The following TPST1 variants were observed in gnomAD, a reference collection of about 807,000 sequenced individuals.
TPST1 encodes tyrosylprotein sulfotransferase 1, also known as protein-tyrosine sulfotransferase 1.
Under a neutral mutation model 34.8 loss-of-function variants are expected in TPST1, and 20 were observed. The observed-to-expected ratio is 0.57, with a 90% CI of 0.40 to 0.84. TPST1 has a LOEUF of 0.84. TPST1 is among the 40% of genes least tolerant of loss of function. The probability of loss-of-function intolerance (pLI) is 0.00; values close to 1 mark genes in which losing one functional copy is unlikely to be tolerated. For synonymous variants in TPST1, 152 were observed against 159.4 expected, an observed-to-expected ratio of 0.95 and a Z score of 0.35; for missense variants, 353 against 455.5, an observed-to-expected ratio of 0.78 and a Z score of 2.05.
At chr7:66,304,365 G>A (rs747636353) in intron 3 of TPST1, among the ~76,000 whole-genome samples, 1 of 152,192 alleles carries the variant, frequency 6.6e-6, no homozygotes, top group Non-Finnish European at 1.5e-5. Flanking sequence ...GGAGCTTTAG[G>A]AGAGGCCAGT....
At chr7:66,354,381 G>T in intron 4 of TPST1, among the ~76,000 whole-genome samples, 1 of 150,898 alleles carries the variant, frequency 6.6e-6, no homozygotes, top group Non-Finnish European at 1.5e-5. Context: ...CCAGGTGGGT[G>T]GATTGCCTGA....
chr7:66,297,091 A>G (rs542365730), intron 3 of TPST1, among the ~76,000 whole-genome samples: 7 of 152,332 alleles, frequency 4.6e-5, no homozygotes, highest in South Asian at 2.1e-4. Context: ...CCTATTAGCC[A>G]CAATTTCAGT....
chr7:66,347,059 C>CTTTTTTTTTTTTTTTTTTTTTTTTTTTT (rs71051352), intron 3 of TPST1, among the ~76,000 whole-genome samples: 1 of 59,960 alleles, frequency 1.7e-5, no homozygotes, highest in Non-Finnish European at 2.9e-5. Flanking sequence ...CTTTGCTTTT[C>CTTTTTTTTTTTTTTTTTTTTTTTTTTTT]TTTTTTTTTT....
intron 5 of TPST1, among the ~76,000 whole-genome samples, chr7:66,357,742 A>G (rs2116412038): frequency 6.6e-6 from 1 of 152,278 alleles, no homozygotes; most frequent in South Asian, 2.1e-4. Flanking sequence ...TTTGCTCCAA[A>G]TGATGTGGCA....
intron 2 of TPST1, among the ~76,000 whole-genome samples, chr7:66,261,369 C>T (rs529956910): frequency 3.3e-5 from 5 of 151,652 alleles, no homozygotes; most frequent in Admixed American, 6.6e-5. Context: ...GAACTCATCA[C>T]GTGTGGGCAG....
chr7:66,274,094 C>T (rs1490650814), intron 2 of TPST1, among the ~76,000 whole-genome samples: 1 of 150,994 alleles, frequency 6.6e-6, no homozygotes, highest in South Asian at 2.1e-4. Flanking sequence ...TCCAGCTGGG[C>T]ACGGTGGCTG....
intron 1 of TPST1, among the ~76,000 whole-genome samples, chr7:66,207,355 T>C (rs1789152318): frequency 6.6e-6 from 1 of 152,254 alleles, no homozygotes; most frequent in African/African-American, 2.4e-5. Context: ...CCCTGAACTC[T>C]TAAGGAGAGG....
chr7:66,328,913 T>A (rs1226224150), intron 3 of TPST1, among the ~76,000 whole-genome samples: 1 of 95,738 alleles, frequency 1.0e-5, no homozygotes, highest in Non-Finnish European at 2.0e-5. Context: ...TATATTTTTT[T>A]TTTTTTTTTT....
intron 1 of TPST1, among the ~76,000 whole-genome samples, chr7:66,226,657 A>C (rs1484074434): frequency 6.6e-6 from 1 of 152,202 alleles, no homozygotes; most frequent in Non-Finnish European, 1.5e-5. Flanking sequence ...CCTATTAATT[A>C]ACGTACATTT....
At position 66,240,593 on chromosome 7, in the gene TPST1, C is replaced by T. The variant is rs201836970; in HGVS notation, c.168C>T (p.Asp56=). Residue 56 remains aspartate (D), a synonymous_variant, in exon 2 of 6, where the codon GAC becomes GAT. Transcript: ENST00000304842. ...STRTTVRTGL[D]LKANKTFAYH... ...GGACCACTGTGAGAACTGGCCTGGA[C>T]CTCAAAGCCAACAAAACCTTTGCCT... 2 of 1,614,158 alleles carry T rather than the reference C, an allele frequency of 1.2e-6. No homozygotes were observed. The highest frequency in any genetic ancestry group is 1.7e-6 in the Non-Finnish European group (2 of 1,180,032).
At chr7:66,322,871 G>A (rs1401690690) in intron 3 of TPST1, among the ~76,000 whole-genome samples, 1 of 76,328 alleles carries the variant, frequency 1.3e-5, no homozygotes, top group Non-Finnish European at 2.9e-5. Context: ...TTCCAGTGGT[G>A]CACAAAGGTT....
intron 2 of TPST1, among the ~76,000 whole-genome samples, chr7:66,241,505 A>T (rs1790035696): frequency 2.0e-5 from 3 of 152,066 alleles, no homozygotes; most frequent in Admixed American, 2.0e-4. Flanking sequence ...TCATTTATAT[A>T]TCGTGGCCCT....
At position 66,261,434 on chromosome 7, in the gene TPST1, T is replaced by C. The variant is rs1790486840; in HGVS notation, c.845+20164T>C. On this transcript the variant is annotated intron_variant, in intron 2 of 5. Coordinates refer to ENST00000304842, the MANE Select transcript of TPST1 (RefSeq NM_003596.4). ...ATAAGTTATGTACTAGTTTGCTTTATTTCCCAGTATATCAGTTTTGTTCAG... is the reference window on the plus strand; with the variant it reads ...ATAAGTTATGTACTAGTTTGCTTTACTTCCCAGTATATCAGTTTTGTTCAG... 2.0e-5 allele frequency among the ~76,000 whole-genome samples: 3 copies of C among 152,276 alleles called. No individual in the cohort carries two copies. The South Asian group carries it at 6.2e-4, about 32-fold the overall frequency.
intron 1 of TPST1, 109 bp from the exon 2 acceptor site, chr7:66,240,216 C>T (rs1370582336): frequency 4.1e-5 from 26 of 641,062 alleles, no homozygotes; most frequent in Non-Finnish European, 6.7e-5. Context: ...ATCAAAGAAT[C>T]CAAGACTGTT....
At chr7:66,341,564 C>G (rs1792238654) in intron 3 of TPST1, among the ~76,000 whole-genome samples, 1 of 152,154 alleles carries the variant, frequency 6.6e-6, no homozygotes, top group South Asian at 2.1e-4. Flanking sequence ...CAGGTGTGAG[C>G]CACCGCACTC....
intron 3 of TPST1, among the ~76,000 whole-genome samples, chr7:66,315,258 C>A (rs1791609508): frequency 6.6e-6 from 1 of 152,176 alleles, no homozygotes; most frequent in Admixed American, 6.5e-5. Flanking sequence ...CCATTGCCAC[C>A]CTTAGACCTG....
At chr7:66,258,799 T>A (rs1790430546) in intron 2 of TPST1, among the ~76,000 whole-genome samples, 1 of 152,232 alleles carries the variant, frequency 6.6e-6, no homozygotes, top group Non-Finnish European at 1.5e-5. Flanking sequence ...TATTTTTGCC[T>A]GAAATGAGGG....
chr7:66,357,910 C>G (rs1281273070), intron 5 of TPST1, among the ~76,000 whole-genome samples: 1 of 152,112 alleles, frequency 6.6e-6, no homozygotes, highest in African/African-American at 2.4e-5. Flanking sequence ...ATAGTGAAAC[C>G]TCGTCTCTAC....
chr7:66,281,004 C>T (rs1790922210), intron 2 of TPST1, among the ~76,000 whole-genome samples: 2 of 152,204 alleles, frequency 1.3e-5, no homozygotes, highest in Non-Finnish European at 1.5e-5. Context: ...TATGTTCCTT[C>T]GATGCCTAGC....
Sources: gnomAD v4.1 joint callset for allele counts (sites outside exome capture counted in the v4.1 genomes callset) on GRCh38, gnomAD v4.1.1 for gene constraint, MANE v1.5 for transcripts, NCBI Gene and HGNC (gene_info 2026-07-23, HGNC 2026-07-21) for gene names.